Variants in SNTB1 observed in about 807,000 individuals in gnomAD.
SNTB1 encodes the protein beta-1-syntrophin.
A neutral mutation model predicts 48.9 loss-of-function variants in SNTB1; 36 were observed. That is an observed-to-expected ratio of 0.74 (90% CI 0.56 to 0.97). The LOEUF is 0.97. Ranked by LOEUF, SNTB1 falls within the 50% of genes least tolerant of loss-of-function variation. The probability of loss-of-function intolerance (pLI) is 0.00; values close to 1 mark genes in which losing one functional copy is unlikely to be tolerated. For synonymous variants in SNTB1, 299 were observed against 294.6 expected, an observed-to-expected ratio of 1.01 and a Z score of -0.15; for missense variants, 786 against 703.4, an observed-to-expected ratio of 1.12 and a Z score of -1.33.
At chr8:120,713,555 C>A (rs1818502964) in intron 1 of SNTB1, among the ~76,000 whole-genome samples, 1 of 152,066 alleles carries the variant, frequency 6.6e-6, no homozygotes, top group Non-Finnish European at 1.5e-5. Flanking sequence ...TATGGTGAAA[C>A]CCCATCTCTA....
intron 3 of SNTB1, among the ~76,000 whole-genome samples, chr8:120,594,354 C>A (rs1816290811): frequency 6.6e-6 from 1 of 152,202 alleles, no homozygotes; most frequent in African/African-American, 2.4e-5. Flanking sequence ...TCTCTTACCT[C>A]AGCCTCCCAA....
At chr8:120,797,546 C>CTCTTTT (rs1820140678) in intron 1 of SNTB1, among the ~76,000 whole-genome samples, 22 of 69,088 alleles carry the variant, frequency 3.2e-4, no homozygotes, top group African/African-American at 1.2e-3. Flanking sequence ...ACTTGTTTCT[C>CTCTTTT]TTTTTTTTTT....
intron 3 of SNTB1, among the ~76,000 whole-genome samples, chr8:120,591,451 T>C (rs1241283389): frequency 6.6e-6 from 1 of 152,152 alleles, no homozygotes; most frequent in Non-Finnish European, 1.5e-5. Flanking sequence ...TTGTCAGAGA[T>C]GCATAGCGAC....
intron 3 of SNTB1, among the ~76,000 whole-genome samples, chr8:120,601,568 G>T (rs2130719493): frequency 6.6e-6 from 1 of 152,284 alleles, no homozygotes; most frequent in East Asian, 1.9e-4. Flanking sequence ...AGAGTAATGT[G>T]TATTGGAGAC....
intron 4 of SNTB1, among the ~76,000 whole-genome samples, chr8:120,562,329 G>A (rs1270459021): frequency 5.3e-5 from 8 of 152,130 alleles, no homozygotes; most frequent in South Asian, 2.1e-4. Context: ...GCCCAAGAGC[G>A]CATTGCAAGT....
chr8:120,706,195 TG>T (rs1818373587), intron 1 of SNTB1, among the ~76,000 whole-genome samples: 1 of 152,198 alleles, frequency 6.6e-6, no homozygotes, highest in South Asian at 2.1e-4. Context: ...GAAAATGCAT[TG>T]CAAGGATGTC....
At chr8:120,773,320 C>A (rs1389719260) in intron 1 of SNTB1, among the ~76,000 whole-genome samples, 1 of 152,078 alleles carries the variant, frequency 6.6e-6, no homozygotes. Flanking sequence ...GAGTTTGGGA[C>A]CAGCCTGAGC....
intron 1 of SNTB1, among the ~76,000 whole-genome samples, chr8:120,729,005 G>C (rs1350198295): frequency 2.7e-5 from 4 of 150,736 alleles, no homozygotes; most frequent in African/African-American, 9.8e-5. Context: ...TTTTGAAATG[G>C]GGTCTCACCC....
intron 6 of SNTB1, among the ~76,000 whole-genome samples, chr8:120,541,471 C>T (rs1815287803): frequency 6.6e-6 from 1 of 152,208 alleles, no homozygotes; most frequent in South Asian, 2.1e-4. Context: ...TAACGTCTAG[C>T]ACAATGCCAA....
intron 2 of SNTB1, among the ~76,000 whole-genome samples, chr8:120,636,214 G>A (rs71514710): frequency 6.6e-6 from 1 of 152,012 alleles, no homozygotes; most frequent in African/African-American, 2.4e-5. Context: ...TGCTGGCTCA[G>A]CTTCCTCTTT....
At chr8:120,701,749 A>G (rs534974452) in intron 1 of SNTB1, among the ~76,000 whole-genome samples, 4 of 152,364 alleles carry the variant, frequency 2.6e-5, no homozygotes, top group African/African-American at 9.6e-5. Context: ...ATCCTGGCAT[A>G]AATACATCTG....
intron 4 of SNTB1, among the ~76,000 whole-genome samples, chr8:120,567,444 G>C (rs1326189429): frequency 7.0e-6 from 1 of 143,594 alleles, no homozygotes; most frequent in Non-Finnish European, 1.5e-5. Flanking sequence ...TAAAGAGACA[G>C]GGTCTTGCTC....
chr8:120,544,103 C>T (rs1349859261), intron 5 of SNTB1, among the ~76,000 whole-genome samples: 1 of 152,084 alleles, frequency 6.6e-6, no homozygotes, highest in Non-Finnish European at 1.5e-5. Context: ...TTTTGATACT[C>T]TTCATTTCTA....
chr8:120,676,979 G>T (rs958294584), intron 2 of SNTB1, among the ~76,000 whole-genome samples: 1 of 151,620 alleles, frequency 6.6e-6, no homozygotes, highest in African/African-American at 2.4e-5. Context: ...TGGGAGAATC[G>T]CTGGAGCCCA....
At chr8:120,620,034 A>G (rs748671272) in intron 3 of SNTB1, among the ~76,000 whole-genome samples, 1 of 152,200 alleles carries the variant, frequency 6.6e-6, no homozygotes, top group Non-Finnish European at 1.5e-5. Context: ...TTTCAGTAAA[A>G]AAAGTCCAGT....
chr8:120,696,924 C>T (rs555575417), intron 1 of SNTB1, among the ~76,000 whole-genome samples: 4 of 152,228 alleles, frequency 2.6e-5, no homozygotes, highest in East Asian at 1.9e-4. Flanking sequence ...TAGTGATAGT[C>T]GTGGTGATCT....
intron 1 of SNTB1, among the ~76,000 whole-genome samples, chr8:120,696,946 A>T (rs911526582): frequency 1.3e-5 from 2 of 152,282 alleles, no homozygotes; most frequent in African/African-American, 4.8e-5. Flanking sequence ...TGAGTGAGAG[A>T]GTGGCAGAAT....
chr8:120,753,586 G>A (rs1190118278), intron 1 of SNTB1, among the ~76,000 whole-genome samples: 1 of 152,150 alleles, frequency 6.6e-6, no homozygotes, highest in African/African-American at 2.4e-5. Context: ...CTGAGGGCAG[G>A]AACAGAACTT....
intron 3 of SNTB1, among the ~76,000 whole-genome samples, chr8:120,614,763 A>C (rs1212380820): frequency 6.6e-6 from 1 of 151,804 alleles, no homozygotes; most frequent in East Asian, 1.9e-4. Context: ...TTTTTTTTTA[A>C]TTTGAGAGGA....
Sources: allele counts gnomAD v4.1 joint callset (sites outside exome capture counted in the v4.1 genomes callset), GRCh38; gene constraint gnomAD v4.1.1; transcripts MANE v1.5; gene names NCBI Gene and HGNC (gene_info 2026-07-23, HGNC 2026-07-21).